The following SLC19A1 variants were observed in gnomAD, a reference collection of about 807,000 sequenced individuals.
SLC19A1 encodes the protein solute carrier family 19 member 1.
In SLC19A1, 37 loss-of-function variants were observed where a neutral mutation model predicts 35.3. The observed-to-expected ratio is 1.05, with a 90% CI of 0.81 to 1.38. SLC19A1 has a LOEUF of 1.38. SLC19A1 is among the 40% of genes most tolerant of loss of function. The pLI, the probability that SLC19A1 is intolerant of heterozygous loss-of-function variation, is 0.00. For synonymous variants in SLC19A1, 460 were observed against 398.5 expected (o/e 1.15, Z -1.84); for missense variants, 831 against 826.9 (o/e 1.00, Z -0.06).
chr21:45,505,463 C>A, intron 3 of SLC19A1: 3 of 1,167,958 alleles, frequency 2.6e-6, no homozygotes, highest in Non-Finnish European at 3.8e-6. Context: ...TGGGCACCTG[C>A]GTCCCGTGCC....
At chr21:45,553,317 C>G (rs1360522398) in intron 1 of SLC19A1, among the ~76,000 whole-genome samples, 3 of 151,978 alleles carry the variant, frequency 2.0e-5, no homozygotes, top group Non-Finnish European at 2.9e-5. Context: ...GGACACGACT[C>G]CAGGCCACAT....
At chr21:45,529,621 G>GTGTA (rs368774847) in intron 4 of SLC19A1, among the ~76,000 whole-genome samples, 23 of 1,482 alleles carry the variant, frequency 0.016, no homozygotes, top group African/African-American at 0.061. Context: ...ATGTGTGAAC[G>GTGTA]TGTCCATGTG....
intron 1 of SLC19A1, among the ~76,000 whole-genome samples, chr21:45,541,358 A>G (rs959153752): frequency 1.4e-4 from 21 of 152,358 alleles, no homozygotes; most frequent in Non-Finnish European, 2.5e-4. Context: ...GGCTCTGCTG[A>G]TTGAATCTGG....
At chr21:45,537,192 C>T (rs952399660) in intron 2 of SLC19A1, among the ~76,000 whole-genome samples, 1 of 152,168 alleles carries the variant, frequency 6.6e-6, no homozygotes, top group Non-Finnish European at 1.5e-5. Context: ...GGCTCTCTCT[C>T]TGCAGGACAC....
Position 45,538,035 on chromosome 21 carries a change from C to T in SLC19A1, c.-49-27G>A, listed in dbSNP as rs952104712. ...TGGAAGGAGGGGTGGAGTCAGGGCA[C>T]CTTGGAAGATGGTCTGCAGGCCTCC... On this transcript the variant is annotated intron_variant, in intron 1 of 5. Coordinates refer to ENST00000311124, the MANE Select transcript of SLC19A1 (RefSeq NM_194255.4). 8 of 1,303,110 alleles carry T rather than the reference C, an allele frequency of 6.1e-6. No homozygotes were observed. In the African/African-American group the frequency reaches 1.1e-4, roughly 17 times the overall value. 80.7% of individuals were successfully genotyped at this position (1,303,110 alleles called of 1,614,324 possible).
At chr21:45,504,254 C>T in intron 3 of SLC19A1, 1 of 873,164 alleles carries the variant, frequency 1.1e-6, no homozygotes, top group Non-Finnish European at 1.8e-6. Flanking sequence ...TCGGCTGATG[C>T]AGTGGGAGGT....
chr21:45,515,871 GCT>G lies in SLC19A1; in HGVS notation c.1561_1562del (p.Ser521ArgfsTer14). ...VGPASLEQRQSDPYLAQAPAP... is the reference protein window; with the variant it reads ...VGPASLEQRQXDPYLAQAPAP... Reference sequence around the variant, plus strand: ...CCGGGGCCTGGGCCAGGTATGGGTCGCTCTGTCTCTGCTCCAGGGAGGCTGGC... The same window carrying G: ...CCGGGGCCTGGGCCAGGTATGGGTCGCTGTCTCTGCTCCAGGGAGGCTGGC... On this transcript the variant is annotated frameshift_variant, in exon 6 of 6. Transcript: ENST00000311124. LOFTEE classifies it low-confidence loss of function (END_TRUNC). The G allele has an allele frequency of 6.3e-7, 1 of 1,580,064 alleles. No individual in the cohort carries two copies. The highest frequency in any genetic ancestry group is 8.6e-7 in the Non-Finnish European group (1 of 1,162,332).
chr21:45,532,222 G>T, intron 2 of SLC19A1, 74 bp from the exon 3 acceptor site: 2 of 1,304,930 alleles, frequency 1.5e-6, no homozygotes, highest in Non-Finnish European at 2.1e-6. Flanking sequence ...CCCGCCCGAG[G>T]TGATGGCTGC....
rs143526050 is a variant in SLC19A1, at chr21:45,532,576, G to A, written c.190-428C>T. The stretch of plus-strand genomic sequence containing the variant: ...AGCCTCCCGAGTAGCTGAGATTACA[G>A]GTGCGTACCACCATGTCTGGCTAAT... On this transcript the variant is annotated intron_variant, in intron 2 of 5. Coordinates refer to ENST00000311124, the MANE Select transcript of SLC19A1 (RefSeq NM_194255.4). 2.7e-3 allele frequency among the ~76,000 whole-genome samples: 412 copies of A among 152,116 alleles called. 2 individuals are homozygous for A. Among genetic ancestry groups the A allele is most frequent in the African/African-American group, 9.2e-3 (383 of 41,508 alleles).
In SLC19A1 at chr21:45,530,157, CGT is replaced by C. The variant is rs372513541; in HGVS notation, c.1151+611_1151+612del. ...TTCATGTGAGTGTGCATTGTGTGTC[CGT>C]GTGTGTGTGGTGCGTCCATGTGTAG... On this transcript the variant is annotated intron_variant, in intron 4 of 5. Coordinates refer to ENST00000311124, the MANE Select transcript of SLC19A1 (RefSeq NM_194255.4). This position sits in a 1 kb window ranked among gnomAD's most constrained non-coding sequence, Gnocchi z 5.3. 7.0e-4 allele frequency among the ~76,000 whole-genome samples: 97 copies of C among 139,252 alleles called. No individual in the cohort carries two copies. Among genetic ancestry groups the C allele is most frequent in the Middle Eastern group, 9.6e-3 (2 of 208 alleles). 91.4% of individuals were successfully genotyped at this position (139,252 alleles called of 152,430 possible). A position where few individuals can be genotyped will look rare whatever the true frequency, so the allele number is the denominator to read the frequency against.
At chr21:45,536,775 G>C (rs1453808590) in intron 2 of SLC19A1, among the ~76,000 whole-genome samples, 1 of 152,198 alleles carries the variant, frequency 6.6e-6, no homozygotes. Context: ...AGAGGACGGG[G>C]TCAGCGGCTG....
rs1211608644 is a variant in SLC19A1 at position 45,514,751 on chromosome 21, TTCACA to T, written c.*902_*906del. Reference sequence around the variant, plus strand: ...GTGTTTAATGTATGTGGGAAGAGTATTCACATCACATCAGATGGTCCCGCACCTGT... The same window carrying T: ...GTGTTTAATGTATGTGGGAAGAGTATTCACATCAGATGGTCCCGCACCTGT... On this transcript the variant is annotated 3_prime_UTR_variant, in exon 6 of 6. Coordinates refer to ENST00000311124, the MANE Select transcript of SLC19A1 (RefSeq NM_194255.4). 17 of 478,964 alleles carry T rather than the reference TTCACA, an allele frequency of 3.5e-5. No homozygotes were observed. Among genetic ancestry groups the T allele is most frequent in the Non-Finnish European group, 5.5e-5 (15 of 274,776 alleles). 29.7% of individuals were successfully genotyped at this position (478,964 alleles called of 1,614,324 possible).
Position 45,534,244 on chromosome 21 carries a change from C to T in SLC19A1, c.190-2096G>A, listed in dbSNP as rs1420385993. On this transcript the variant is annotated intron_variant, in intron 2 of 5. Transcript: ENST00000311124. This position sits in a 1 kb window ranked among gnomAD's most constrained non-coding sequence, Gnocchi z 4.2. ...AACAGCCCCTCTGTGGGCAAGCTCT[C>T]CTGGCTGATGGCCTGCTCGACTGGG... Among the ~76,000 whole-genome samples, 7 of 152,218 alleles carry T rather than the reference C, an allele frequency of 4.6e-5. No homozygotes were observed.
At chr21:45,560,132 A>G (rs908322443) in intron 1 of SLC19A1, among the ~76,000 whole-genome samples, 2 of 152,012 alleles carry the variant, frequency 1.3e-5, no homozygotes, top group African/African-American at 2.4e-5. Context: ...CTCATGGAGC[A>G]TAAACCGTGC....
At position 45,531,420 on chromosome 21, in the gene SLC19A1, G is replaced by A. The variant is rs745419707; in HGVS notation, c.918C>T (p.Asn306=). 33 of 1,603,568 alleles carry A rather than the reference G, an allele frequency of 2.1e-5. No homozygotes were observed. Among genetic ancestry groups the A allele is most frequent in the East Asian group, 8.9e-5 (4 of 44,808 alleles). The part of the protein sequence containing the change: ...DPTTNSARVY[N]GAADAASTLL... ...GCGTGGAGGCAGCATCTGCCGCGCC[G>A]TTGTAGACCCGCGCACTGTTGGTGG... The change falls in exon 3 of 6, where the codon AAC becomes AAT. Residue 306 remains asparagine (N), a synonymous_variant. Coordinates refer to ENST00000311124, the MANE Select transcript of SLC19A1 (RefSeq NM_194255.4).
intron 3 of SLC19A1, chr21:45,507,210 T>A: frequency 8.1e-6 from 1 of 123,470 alleles, no homozygotes; most frequent in Non-Finnish European, 1.4e-5. Context: ...CACCCTCCTG[T>A]GGGCTGGGAG....
chr21:45,505,517 C>A (rs545057804), intron 3 of SLC19A1: 2 of 769,320 alleles, frequency 2.6e-6, no homozygotes, highest in African/African-American at 3.4e-5. Flanking sequence ...CACTCTCCCA[C>A]GGACCCCACA....
At chr21:45,506,079 C>A in intron 3 of SLC19A1, 1 of 1,512,108 alleles carries the variant, frequency 6.6e-7, no homozygotes, top group Non-Finnish European at 9.1e-7. Flanking sequence ...CAGGTGGCAG[C>A]CAGCGCTTCT....
intron 4 of SLC19A1, among the ~76,000 whole-genome samples, chr21:45,527,490 T>G (rs1175908005): frequency 1.3e-5 from 1 of 76,206 alleles, no homozygotes; most frequent in Non-Finnish European, 2.5e-5. Flanking sequence ...TGGCAGTCAG[T>G]TACTGCGGGC....
Sources: allele counts gnomAD v4.1 joint callset (sites outside exome capture counted in the v4.1 genomes callset), GRCh38; gene constraint gnomAD v4.1.1; non-coding constraint Gnocchi (gnomAD v3.1); transcripts MANE v1.5; gene names NCBI Gene and HGNC (gene_info 2026-07-23, HGNC 2026-07-21).